CD226: variants seen among roughly 807,000 people sequenced by gnomAD.
CD226 encodes CD226 antigen.
A neutral mutation model predicts 34.9 loss-of-function variants in CD226; 24 were observed. That is an observed-to-expected ratio of 0.69 (90% CI 0.50 to 0.97). The LOEUF (loss-of-function observed/expected upper bound fraction) is 0.97. CD226 is among the 50% of genes least tolerant of loss of function. The pLI is 0.00. For missense variants in CD226, 397 were observed against 412.7 expected (o/e 0.96, Z 0.33); for synonymous variants, 148 against 147.4 (o/e 1.00, Z -0.03).
rs1288691988 is a variant in CD226 at position 69,861,642 on chromosome 18, T to C, written c.*2672A>G. ...AAAAGTATCTGTATTTAAAATAGAA[T>C]TTACTGGAATTCTGATCGTTTATTC... On this transcript the variant is annotated 3_prime_UTR_variant, in exon 6 of 6. Coordinates refer to ENST00000582621, the MANE Select transcript of CD226 (RefSeq NM_001303618.2). 6.6e-6 allele frequency: 1 copy of C among 150,468 alleles called. No homozygotes were observed. The highest frequency in any genetic ancestry group is 1.5e-5 in the Non-Finnish European group (1 of 67,558). 9.3% of individuals were successfully genotyped at this position (150,468 alleles called of 1,614,324 possible).
intron 1 of CD226, chr18:69,956,688 C>T (rs889763161): frequency 1.3e-5 from 2 of 152,144 alleles, no homozygotes; most frequent in Admixed American, 1.3e-4. Flanking sequence ...CCCACCCTTT[C>T]GCACACGATT....
rs1372530571 is a variant in CD226, at chr18:69,895,819, C to T, written c.609G>A (p.Arg203=). The T allele has an allele frequency of 3.1e-6, 5 of 1,614,192 alleles. No individual in the cohort carries two copies. Among genetic ancestry groups the T allele is most frequent in the Non-Finnish European group, 3.4e-6 (4 of 1,180,026 alleles). ...CATCGGGGATGACGATGACGCTCCACCTTCCGTGGCTGCAGTTGCTCACTA... is the reference window on the plus strand; with the variant it reads ...CATCGGGGATGACGATGACGCTCCATCTTCCGTGGCTGCAGTTGCTCACTA... ...RQIVSNCSHG[R]WSVIVIPDVT... Residue 203 remains arginine, a synonymous_variant, in exon 3 of 6, where the codon AGG becomes AGA. Transcript: ENST00000582621.
At chr18:69,883,936 C>T (rs1314771871) in intron 3 of CD226, among the ~76,000 whole-genome samples, 5 of 152,188 alleles carry the variant, frequency 3.3e-5, no homozygotes, top group Non-Finnish European at 7.3e-5. Context: ...GCAGAAGGAT[C>T]CAAAGCAAAT....
intron 3 of CD226, among the ~76,000 whole-genome samples, chr18:69,883,982 G>A (rs1046647376): frequency 3.9e-5 from 6 of 152,190 alleles, no homozygotes; most frequent in Non-Finnish European, 8.8e-5. Context: ...AAAGTCAGAA[G>A]GACTGGCTGA....
chr18:69,910,371 A>G (rs746243522), intron 2 of CD226, among the ~76,000 whole-genome samples: 5 of 152,206 alleles, frequency 3.3e-5, no homozygotes, highest in Non-Finnish European at 1.5e-5. Context: ...TGATGTGATG[A>G]GAAGGGGTTC....
intron 2 of CD226, among the ~76,000 whole-genome samples, chr18:69,941,067 G>A (rs1252472761): frequency 1.3e-5 from 2 of 152,234 alleles, no homozygotes; most frequent in African/African-American, 2.4e-5. Flanking sequence ...CAGCTTACAC[G>A]TGGTGTTGGG....
intron 2 of CD226, among the ~76,000 whole-genome samples, chr18:69,897,202 A>G (rs1177470806): frequency 6.6e-6 from 1 of 152,180 alleles, no homozygotes; most frequent in Non-Finnish European, 1.5e-5. Flanking sequence ...TTTGCTCAAT[A>G]TTGATTTCTA....
At chr18:69,894,924 T>C (rs183643589) in intron 3 of CD226, among the ~76,000 whole-genome samples, 18 of 152,106 alleles carry the variant, frequency 1.2e-4, no homozygotes, top group African/African-American at 2.9e-4. Context: ...AAAGGCTTCA[T>C]TGTGACAAAA....
At position 69,947,471 on chromosome 18, in the gene CD226, G is replaced by C; in HGVS notation, c.-65C>G. 1.0e-6 allele frequency: 1 copy of C among 980,288 alleles called. No homozygotes were observed. The highest frequency in any genetic ancestry group is 1.5e-5 in the South Asian group (1 of 66,888). The allele number at this position is 980,288 out of a possible 1,614,324, so 60.7% of individuals were successfully genotyped here. A position where few individuals can be genotyped will look rare whatever the true frequency, so the allele number is the denominator to read the frequency against. On this transcript the variant is annotated 5_prime_UTR_variant, in exon 1 of 6. Coordinates refer to ENST00000582621, the MANE Select transcript of CD226 (RefSeq NM_001303618.2). The stretch of plus-strand genomic sequence containing the variant: ...AAAATTGCTTTTTATAATGTGACAT[G>C]CAGATCCCCAGCACAATGCAGTTTC...
At chr18:69,865,174 G>C (rs1341446498) in intron 5 of CD226, among the ~76,000 whole-genome samples, 1 of 152,064 alleles carries the variant, frequency 6.6e-6, no homozygotes, top group African/African-American at 2.4e-5. Flanking sequence ...ATTTTTAGTA[G>C]AGATGGAGTT....
chr18:69,944,063 T>C (rs2055760107), intron 2 of CD226, among the ~76,000 whole-genome samples: 1 of 152,060 alleles, frequency 6.6e-6, no homozygotes, highest in Non-Finnish European at 1.5e-5. Context: ...AGTATGTTGT[T>C]ACTGAAGTAC....
upstream of CD226, among the ~76,000 whole-genome samples, chr18:69,949,194 C>G (rs2055825821): frequency 6.6e-6 from 1 of 152,084 alleles, no homozygotes; most frequent in Non-Finnish European, 1.5e-5. Flanking sequence ...ACTCCAGCAC[C>G]CAGCACAATT....
chr18:69,899,205 G>A (rs1329336062), intron 2 of CD226, among the ~76,000 whole-genome samples: 1 of 152,124 alleles, frequency 6.6e-6, no homozygotes, highest in Non-Finnish European at 1.5e-5. Flanking sequence ...AAACATTGCT[G>A]GGTACATCTT....
At chr18:69,875,345 C>T (rs977056624) in intron 3 of CD226, among the ~76,000 whole-genome samples, 1 of 152,164 alleles carries the variant, frequency 6.6e-6, no homozygotes, top group Admixed American at 6.5e-5. Context: ...ACCCTGTTGG[C>T]CAGGCTGGTC....
chr18:69,906,873 G>A (rs963968331), intron 2 of CD226, among the ~76,000 whole-genome samples: 2 of 152,084 alleles, frequency 1.3e-5, no homozygotes, highest in African/African-American at 4.8e-5. Context: ...CAGGCTCTAC[G>A]GACACCTCCT....
In CD226 at chr18:69,861,530, T is replaced by C. The variant is rs1982813874; in HGVS notation, c.*2784A>G. On this transcript the variant is annotated 3_prime_UTR_variant, in exon 6 of 6. Coordinates refer to ENST00000582621, the MANE Select transcript of CD226 (RefSeq NM_001303618.2). The stretch of plus-strand genomic sequence containing the variant: ...ATTCTTAATGTATTATCCATCGATA[T>C]AAATTATATGTGTATATATATATGT... The C allele has an allele frequency of 6.3e-5, 5 of 79,242 alleles. No homozygotes were observed. The South Asian group carries it at 1.8e-3, about 29-fold the overall frequency. 4.9% of individuals were successfully genotyped at this position (79,242 alleles called of 1,614,324 possible).
chr18:69,889,737 T>C (rs1598974302), intron 3 of CD226, among the ~76,000 whole-genome samples: 1 of 152,210 alleles, frequency 6.6e-6, no homozygotes, highest in Non-Finnish European at 1.5e-5. Context: ...TATACGGATG[T>C]ATTTATAACT....
chr18:69,886,216 T>C (rs1298329732), intron 3 of CD226, among the ~76,000 whole-genome samples: 9 of 152,144 alleles, frequency 5.9e-5, no homozygotes, highest in Non-Finnish European at 2.9e-5. Context: ...CATACCTCAC[T>C]TTCCACAGAC....
intron 2 of CD226, among the ~76,000 whole-genome samples, chr18:69,937,716 G>C (rs1445310702): frequency 3.3e-5 from 5 of 152,096 alleles, no homozygotes; most frequent in Admixed American, 3.3e-4. Context: ...AGCCAGATTT[G>C]AGACACTTCC....
Sources: allele counts gnomAD v4.1 joint callset (sites outside exome capture counted in the v4.1 genomes callset), GRCh38; gene constraint gnomAD v4.1.1; transcripts MANE v1.5; gene names NCBI Gene and HGNC (gene_info 2026-07-23, HGNC 2026-07-21).